The following ZNF600 variants were observed in gnomAD, a reference collection of about 807,000 sequenced individuals.
ZNF600 encodes the protein zinc finger protein KR-ZNF1.
A neutral mutation model predicts 7.3 loss-of-function variants in ZNF600; 4 were observed. That is an observed-to-expected ratio of 0.55 (90% CI 0.27 to 1.25). The LOEUF (loss-of-function observed/expected upper bound fraction) is 1.25, where lower values mean the gene tolerates loss of function less well. ZNF600 is among the 50% of genes most tolerant of loss of function. The probability of loss-of-function intolerance (pLI) is 0.12; values close to 1 mark genes in which losing one functional copy is unlikely to be tolerated. For synonymous variants in ZNF600, 290 were observed against 308.9 expected (o/e 0.94, Z 0.64); for missense variants, 911 against 922.1 (o/e 0.99, Z 0.16).
chr19:52,776,488 T>G (rs1046723160), intron 2 of ZNF600, among the ~76,000 whole-genome samples: 1 of 151,908 alleles, frequency 6.6e-6, no homozygotes, highest in Non-Finnish European at 1.5e-5. Context: ...CTCAGCTCAC[T>G]GCAACCTCGG....
At chr19:52,815,789 C>T in the ZNF600 span, among the ~76,000 whole-genome samples, 1 of 146,198 alleles carries the variant, frequency 6.8e-6, no homozygotes. Flanking sequence ...TGCACCACTG[C>T]ACTCCAGCCT....
At chr19:52,771,905 G>A (rs113751303) in intron 3 of ZNF600, among the ~76,000 whole-genome samples, 9,245 of 151,746 alleles carry the variant, frequency 0.061, 919 homozygotes, top group African/African-American at 0.21. Context: ...AAGCCACTGC[G>A]GCTGGCCAGT....
At chr19:52,820,494 CCT>C in the ZNF600 span, among the ~76,000 whole-genome samples, 1 of 152,030 alleles carries the variant, frequency 6.6e-6, no homozygotes, top group African/African-American at 2.4e-5. Context: ...CCTCTTCTCC[CCT>C]CTCTGCTCTC....
intron 1 of ZNF600, among the ~76,000 whole-genome samples, chr19:52,779,437 A>T (rs2062702948): frequency 6.6e-6 from 1 of 152,196 alleles, no homozygotes. Flanking sequence ...CTCCACTCAG[A>T]GGGGGCGAGC....
the ZNF600 span, among the ~76,000 whole-genome samples, chr19:52,806,909 G>A: frequency 6.6e-6 from 1 of 152,080 alleles, no homozygotes; most frequent in African/African-American, 2.4e-5. Context: ...CATAAAAAAA[G>A]AGAGAAAGAA....
the ZNF600 span, among the ~76,000 whole-genome samples, chr19:52,822,385 T>G: frequency 6.6e-6 from 1 of 152,102 alleles, no homozygotes; most frequent in African/African-American, 2.4e-5. Flanking sequence ...GAAATACTCT[T>G]TACTTTGCTT....
intron 1 of ZNF600, among the ~76,000 whole-genome samples, chr19:52,785,968 C>A (rs1469773695): frequency 1.3e-5 from 2 of 152,076 alleles, no homozygotes; most frequent in African/African-American, 2.4e-5. Context: ...AATTCCTAAC[C>A]CATCCTCTAC....
At chr19:52,812,066 C>T in the ZNF600 span, among the ~76,000 whole-genome samples, 5 of 80,902 alleles carry the variant, frequency 6.2e-5, no homozygotes, top group East Asian at 5.9e-4. Flanking sequence ...AGGTGAGGGG[C>T]GCCTCTGCCC....
intron 3 of ZNF600, among the ~76,000 whole-genome samples, chr19:52,769,734 C>T (rs2062617488): frequency 6.6e-6 from 1 of 152,068 alleles, no homozygotes; most frequent in South Asian, 2.1e-4. Context: ...GGGCTGGTCC[C>T]TACAGAGATG....
chr19:52,769,006 T>G (rs1421491149), intron 3 of ZNF600, among the ~76,000 whole-genome samples: 2 of 151,756 alleles, frequency 1.3e-5, no homozygotes, highest in Admixed American at 1.3e-4. Flanking sequence ...AAGACAAGAG[T>G]GCGAGCCTTC....
At chr19:52,782,209 C>A (rs189354159) in intron 1 of ZNF600, among the ~76,000 whole-genome samples, 9 of 152,150 alleles carry the variant, frequency 5.9e-5, no homozygotes, top group African/African-American at 2.2e-4. Context: ...GCCTGGACAG[C>A]AGTAAGAGTG....
At chr19:52,790,792 C>G (rs1254035434), upstream of ZNF600, among the ~76,000 whole-genome samples, 1 of 148,640 alleles carries the variant, frequency 6.7e-6, no homozygotes, top group Admixed American at 6.9e-5. Flanking sequence ...ATTCAAGTGA[C>G]TCTCCTGCCT....
At chr19:52,790,057 C>T (rs1041675044), upstream of ZNF600, among the ~76,000 whole-genome samples, 2 of 152,162 alleles carry the variant, frequency 1.3e-5, no homozygotes, top group African/African-American at 2.4e-5. Context: ...TCACTTAAGG[C>T]AAGGACCGGC....
At chr19:52,783,941 G>A (rs920510681) in intron 1 of ZNF600, among the ~76,000 whole-genome samples, 1 of 152,076 alleles carries the variant, frequency 6.6e-6, no homozygotes, top group Non-Finnish European at 1.5e-5. Flanking sequence ...GGGCGTGGTG[G>A]CGCATGCCAG....
At chr19:52,796,257 G>A in the ZNF600 span, among the ~76,000 whole-genome samples, 1 of 152,148 alleles carries the variant, frequency 6.6e-6, no homozygotes, top group Non-Finnish European at 1.5e-5. Context: ...CGAACCTCAG[G>A]AGGTCCTGAC....
chr19:52,817,901 G>C, the ZNF600 span: 1 of 1,609,144 alleles, frequency 6.2e-7, no homozygotes, highest in African/African-American at 1.3e-5. Context: ...CAGCGTTTCT[G>C]AAAGGAAGGA....
At chr19:52,809,458 A>G in the ZNF600 span, among the ~76,000 whole-genome samples, 2 of 152,224 alleles carry the variant, frequency 1.3e-5, no homozygotes, top group Non-Finnish European at 1.5e-5. Flanking sequence ...AGAAGAAAAT[A>G]GACACTGGCG....
intron 1 of ZNF600, among the ~76,000 whole-genome samples, chr19:52,784,298 A>G (rs975878940): frequency 2.6e-5 from 4 of 152,186 alleles, no homozygotes; most frequent in Non-Finnish European, 4.4e-5. Flanking sequence ...CTCAGCTACT[A>G]GAGAGACTGA....
intron 3 of ZNF600, 49 bp downstream of exon 5, chr19:52,774,526 G>A: frequency 4.1e-6 from 4 of 982,336 alleles, no homozygotes; most frequent in Non-Finnish European, 4.8e-6. Context: ...GAAGGGCCAA[G>A]ATAGACAAGA....
Sources: allele counts gnomAD v4.1 joint callset (sites outside exome capture counted in the v4.1 genomes callset), GRCh38; gene constraint gnomAD v4.1.1; transcripts MANE v1.5; gene names NCBI Gene and HGNC (gene_info 2026-07-23, HGNC 2026-07-21).